HS3ST4: variants seen among roughly 807,000 people sequenced by gnomAD.
HS3ST4 encodes the protein heparan sulfate glucosamine 3-O-sulfotransferase 4.
HS3ST4 carries 17 observed loss-of-function variants against 29.2 expected under a neutral mutation model. The observed-to-expected ratio is 0.58, with a 90% CI of 0.40 to 0.87. The LOEUF is 0.87. Among genes scored for constraint, HS3ST4 ranks in the 40% least tolerant of loss-of-function variants. HS3ST4 has a pLI of 0.00. For missense variants in HS3ST4, 627 were observed against 634.5 expected (o/e 0.99, Z 0.13); for synonymous variants, 314 against 285.7 (o/e 1.10, Z -1.00).
At chr16:26,066,679 T>A (rs1337744785) in intron 1 of HS3ST4, among the ~76,000 whole-genome samples, 3 of 152,188 alleles carry the variant, frequency 2.0e-5, no homozygotes, top group Non-Finnish European at 4.4e-5. Context: ...AAAGGTTAAT[T>A]ACAGAAAGAC....
chr16:26,111,011 C>T lies in HS3ST4; in HGVS notation c.735-24601C>T, dbSNP rs566292704. ...TTGTAAGGGTGTGTGTGTGTGCACG[C>T]GTTTGGGGTACAATTTATTTTTTTT... On this transcript the variant is annotated intron_variant, in intron 1 of 1. Coordinates refer to ENST00000331351, the MANE Select transcript of HS3ST4 (RefSeq NM_006040.3). Among the ~76,000 whole-genome samples the T allele has an allele frequency of 4.6e-5, 7 of 151,902 alleles. No individual in the cohort carries two copies. In the South Asian group the frequency reaches 6.3e-4, roughly 14 times the overall value.
At chr16:25,797,690 A>G (rs1966894729) in intron 1 of HS3ST4, among the ~76,000 whole-genome samples, 1 of 152,208 alleles carries the variant, frequency 6.6e-6, no homozygotes, top group Non-Finnish European at 1.5e-5. Flanking sequence ...TACTGCTCAT[A>G]TACCATTTAC....
At chr16:25,821,057 ATTTT>A (rs1259738012) in intron 1 of HS3ST4, among the ~76,000 whole-genome samples, 1 of 135,042 alleles carries the variant, frequency 7.4e-6, no homozygotes, top group Admixed American at 7.4e-5. Context: ...GCGCCTTTGA[ATTTT>A]TTTTTTTTTT....
At position 26,072,819 on chromosome 16, in the gene HS3ST4, A is replaced by G; in HGVS notation, c.735-62793A>G. On this transcript the variant is annotated intron_variant, in intron 1 of 1. Coordinates refer to ENST00000331351, the MANE Select transcript of HS3ST4 (RefSeq NM_006040.3). Reference sequence around the variant, plus strand: ...AGTTTGAAGAAAATCAGAAAAATTTAGAAAACTCTTATTGTCTAGTTACTA... The same window carrying G: ...AGTTTGAAGAAAATCAGAAAAATTTGGAAAACTCTTATTGTCTAGTTACTA... Among the ~76,000 whole-genome samples the G allele has an allele frequency of 1.3e-5, 2 of 152,246 alleles. 1 individual carries two copies. The highest frequency in any genetic ancestry group is 2.9e-5 in the Non-Finnish European group (2 of 68,044).
intron 1 of HS3ST4, among the ~76,000 whole-genome samples, chr16:26,086,123 C>T (rs894114834): frequency 4.6e-5 from 7 of 151,926 alleles, no homozygotes; most frequent in African/African-American, 1.5e-4. Context: ...ATCCTAATTC[C>T]GAATTTTCTC....
intron 1 of HS3ST4, among the ~76,000 whole-genome samples, chr16:26,125,315 T>A (rs1196729695): frequency 6.9e-6 from 1 of 144,960 alleles, no homozygotes; most frequent in East Asian, 1.9e-4. Flanking sequence ...AGGATGAAAC[T>A]GTTCCACCTC....
chr16:25,945,462 A>G (rs1968616079), intron 1 of HS3ST4, among the ~76,000 whole-genome samples: 1 of 140,678 alleles, frequency 7.1e-6, no homozygotes, highest in African/African-American at 2.8e-5. Flanking sequence ...ACTTCTCATT[A>G]TACACCTTCT....
intron 1 of HS3ST4, among the ~76,000 whole-genome samples, chr16:25,735,962 T>C (rs932705559): frequency 2.6e-5 from 4 of 152,162 alleles, no homozygotes; most frequent in Admixed American, 2.0e-4. Context: ...AAAAAAGATA[T>C]GCAGAGAGGG....
At chr16:25,943,582 T>A (rs1176477816) in intron 1 of HS3ST4, among the ~76,000 whole-genome samples, 1 of 152,150 alleles carries the variant, frequency 6.6e-6, no homozygotes, top group African/African-American at 2.4e-5. Flanking sequence ...CTGAGGATGA[T>A]TTCTTGTAAA....
intron 1 of HS3ST4, among the ~76,000 whole-genome samples, chr16:25,833,055 T>C (rs1967320935): frequency 6.6e-6 from 1 of 152,202 alleles, no homozygotes; most frequent in Non-Finnish European, 1.5e-5. Flanking sequence ...AAATTTCATG[T>C]TTATTTTCAG....
intron 1 of HS3ST4, among the ~76,000 whole-genome samples, chr16:25,849,281 C>T (rs545634354): frequency 2.6e-5 from 4 of 152,052 alleles, no homozygotes; most frequent in Non-Finnish European, 4.4e-5. Context: ...TACATGCAGA[C>T]GTATTTATGT....
chr16:25,920,898 G>T (rs1221317983), intron 1 of HS3ST4, among the ~76,000 whole-genome samples: 1 of 152,092 alleles, frequency 6.6e-6, no homozygotes, highest in Non-Finnish European at 1.5e-5. Context: ...GATTACAGGT[G>T]TGAGCCACCA....
At chr16:26,092,198 C>T (rs1011655792) in intron 1 of HS3ST4, among the ~76,000 whole-genome samples, 2 of 152,094 alleles carry the variant, frequency 1.3e-5, no homozygotes, top group Non-Finnish European at 2.9e-5. Context: ...TTTGGCTCAT[C>T]CCTAACCCAG....
Position 25,728,653 on chromosome 16 carries a change from C to T in HS3ST4, c.734+35502C>T, listed in dbSNP as rs549981792. 3.3e-5 allele frequency among the ~76,000 whole-genome samples: 5 copies of T among 152,180 alleles called. No homozygotes were observed. The East Asian group carries it at 7.7e-4, about 23-fold the overall frequency. On this transcript the variant is annotated intron_variant, in intron 1 of 1. Transcript: ENST00000331351. ...CCAGCAGGATCAGAGCAACCAACAG[C>T]GCCCTCAGTAATACGGAATCAGAGA...
At chr16:26,115,184 A>G (rs1328380335) in intron 1 of HS3ST4, among the ~76,000 whole-genome samples, 2 of 144,558 alleles carry the variant, frequency 1.4e-5, no homozygotes, top group African/African-American at 4.9e-5. Context: ...CCAAAACACT[A>G]TTATGTATTC....
At chr16:26,019,636 C>T (rs1969392839) in intron 1 of HS3ST4, among the ~76,000 whole-genome samples, 2 of 152,174 alleles carry the variant, frequency 1.3e-5, no homozygotes, top group South Asian at 4.1e-4. Flanking sequence ...CGTCTGGCTC[C>T]TGGGATCTAG....
intron 1 of HS3ST4, among the ~76,000 whole-genome samples, chr16:25,958,735 G>C (rs1036650710): frequency 6.6e-6 from 1 of 152,164 alleles, no homozygotes; most frequent in Non-Finnish European, 1.5e-5. Context: ...AACCAGTACT[G>C]GCTTTCAGCT....
At chr16:26,068,088 T>C (rs1441471647) in intron 1 of HS3ST4, among the ~76,000 whole-genome samples, 1 of 152,246 alleles carries the variant, frequency 6.6e-6, no homozygotes, top group African/African-American at 2.4e-5. Flanking sequence ...CACTTTCAAA[T>C]ATTCAAACTC....
chr16:26,059,767 T>G (rs1177882066), intron 1 of HS3ST4, among the ~76,000 whole-genome samples: 1 of 152,088 alleles, frequency 6.6e-6, no homozygotes, highest in African/African-American at 2.4e-5. Flanking sequence ...TTATTACTAT[T>G]ATTATTTTAT....
Sources: gnomAD v4.1 joint callset for allele counts (sites outside exome capture counted in the v4.1 genomes callset) on GRCh38, gnomAD v4.1.1 for gene constraint, MANE v1.5 for transcripts, NCBI Gene and HGNC (gene_info 2026-07-23, HGNC 2026-07-21) for gene names.